The following ELN variants were observed in gnomAD, a reference collection of about 807,000 sequenced individuals.
ELN encodes the protein elastin, also known as tropoelastin.
ELN carries 65 observed loss-of-function variants against 105.8 expected under a neutral mutation model. The ratio of observed to expected loss-of-function variants is 0.61; its 90% CI spans 0.50 to 0.75. ELN has a LOEUF of 0.75. Ranked by LOEUF, ELN falls within the 30% of genes least tolerant of loss-of-function variation. The probability of loss-of-function intolerance (pLI) is 0.00; values close to 1 mark genes in which losing one functional copy is unlikely to be tolerated. For synonymous variants in ELN, 368 were observed against 389.2 expected (o/e 0.95, Z 0.64); for missense variants, 882 against 969.4 (o/e 0.91, Z 1.20).
At chr7:74,046,808 G>C (rs1158057026) in intron 12 of ELN, 41 bp downstream of exon 12, 1 of 1,610,304 alleles carries the variant, frequency 6.2e-7, no homozygotes, top group Non-Finnish European at 8.5e-7. Flanking sequence ...ACTCGGCCGG[G>C]TGTGGTGGTT....
intron 17 of ELN, 47 bp from the exon 18 acceptor site, chr7:74,053,116 C>A (rs201795961): frequency 1.9e-5 from 30 of 1,613,862 alleles, no homozygotes; most frequent in Non-Finnish European, 2.5e-5. Context: ...CTTCTAGCCC[C>A]TCTGAGGTTC....
rs548437700 is a variant in ELN, at chr7:74,035,481, C to A, written c.133+67C>A. 1.9e-6 allele frequency: 3 copies of A among 1,575,462 alleles called. No individual in the cohort carries two copies. In the East Asian group the frequency reaches 6.7e-5, roughly 35 times the overall value. ...GATGCTGATGTCCATAATAGATGCA[C>A]ATTTTGACACTACAGAAGGTAGGAA... On this transcript the variant is annotated intron_variant, in intron 2 of 32. Coordinates refer to ENST00000252034, the MANE Select transcript of ELN (RefSeq NM_000501.4).
At chr7:74,067,992 C>T (rs569908641) in intron 32 of ELN, among the ~76,000 whole-genome samples, 3 of 150,776 alleles carry the variant, frequency 2.0e-5, no homozygotes, top group African/African-American at 7.3e-5. Flanking sequence ...TCCTGCCCCA[C>T]TCTCTGCTCA....
At position 74,043,914 on chromosome 7, in the gene ELN, C is replaced by T. The variant is rs1563789663; in HGVS notation, c.463C>T (p.Leu155Phe). Residue 155 changes from leucine to phenylalanine, a missense_variant, in exon 9 of 33, where the codon CTC becomes TTC. Coordinates refer to ENST00000252034, the MANE Select transcript of ELN (RefSeq NM_000501.4). The stretch of plus-strand genomic sequence containing the variant: ...GCCAGGTGTATACCCAGGTGGCGTG[C>T]TCCCAGGTGAGAGCAAGGAGGGAAA... Reference protein sequence around the residue: ...GLPGVYPGGVLPGARFPGVGV... With the variant: ...GLPGVYPGGVFPGARFPGVGV... The T allele has an allele frequency of 2.5e-6, 4 of 1,614,078 alleles. No homozygotes were observed. Among genetic ancestry groups the T allele is most frequent in the Non-Finnish European group, 2.5e-6 (3 of 1,179,986 alleles).
chr7:74,028,401 C>A, intron 1 of ELN, 132 bp downstream of exon 1: 1 of 1,070,286 alleles, frequency 9.3e-7, no homozygotes, highest in Non-Finnish European at 1.4e-6. Flanking sequence ...GCCCCTCAGC[C>A]ACTGGGTCCT....
At chr7:74,060,341 T>G in intron 24 of ELN, 35 bp from the exon 25 acceptor site, 1 of 1,614,116 alleles carries the variant, frequency 6.2e-7, no homozygotes, top group Non-Finnish European at 8.5e-7. Flanking sequence ...GCATGCTCCC[T>G]GCCTGCTGTC....
intron 4 of ELN, among the ~76,000 whole-genome samples, chr7:74,040,717 T>A (rs1441346799): frequency 6.6e-6 from 1 of 152,102 alleles, no homozygotes; most frequent in South Asian, 2.1e-4. Flanking sequence ...AGGGACCCAT[T>A]TGGCGTCTCA....
chr7:74,061,778 C>T (rs1796739172), intron 26 of ELN, among the ~76,000 whole-genome samples: 1 of 152,148 alleles, frequency 6.6e-6, no homozygotes, highest in South Asian at 2.1e-4. Flanking sequence ...CAAAAACACC[C>T]TTGAAATCCC....
chr7:74,028,618 A>G (rs1787966005), intron 1 of ELN, among the ~76,000 whole-genome samples: 1 of 152,102 alleles, frequency 6.6e-6, no homozygotes, highest in South Asian at 2.1e-4. Context: ...CTGGGTCTGG[A>G]GACACCACAG....
chr7:74,050,738 C>G (rs1793859083), intron 15 of ELN, among the ~76,000 whole-genome samples: 1 of 152,098 alleles, frequency 6.6e-6, no homozygotes, highest in Non-Finnish European at 1.5e-5. Context: ...CAAGAGTTCT[C>G]TTAGAGAATA....
chr7:74,042,913 G>A (rs1304777540), intron 6 of ELN, 71 bp from the exon 7 acceptor site: 3 of 1,612,738 alleles, frequency 1.9e-6, no homozygotes, highest in Non-Finnish European at 2.5e-6. Flanking sequence ...TGGGCCCTCA[G>A]CATGCAGCCC....
intron 15 of ELN, among the ~76,000 whole-genome samples, chr7:74,051,187 C>T (rs1375653896): frequency 1.1e-4 from 16 of 152,160 alleles, no homozygotes; most frequent in African/African-American, 3.9e-4. Flanking sequence ...CCAGGGAAGC[C>T]CTTTCCTTAT....
chr7:74,043,036 T>C lies in ELN; in HGVS notation c.376+2T>C, dbSNP rs539391153. On this transcript the variant is annotated splice_donor_variant, in intron 7 of 32. Coordinates refer to ENST00000252034, the MANE Select transcript of ELN (RefSeq NM_000501.4). LOFTEE classifies it high-confidence loss of function. ...TTGGTGGCTTAGGAGTGTCTGCAGG[T>C]ACGATGGCTATCCCCGAACTCCCTG... 35 of 1,614,104 alleles carry C rather than the reference T, an allele frequency of 2.2e-5. No homozygotes were observed. The highest frequency in any genetic ancestry group is 2.9e-5 in the Non-Finnish European group (34 of 1,180,016).
chr7:74,059,386 G>T (rs1324248383), intron 22 of ELN, among the ~76,000 whole-genome samples: 1 of 152,086 alleles, frequency 6.6e-6, no homozygotes, highest in Non-Finnish European at 1.5e-5. Flanking sequence ...TCACTGAAAA[G>T]GTTAAGAACT....
At position 74,051,969 on chromosome 7, in the gene ELN, A is replaced by C. The variant is rs1794150356; in HGVS notation, c.935A>C (p.Lys312Thr). The C allele has an allele frequency of 6.2e-6, 10 of 1,613,440 alleles. No homozygotes were observed. In the East Asian group the frequency reaches 2.2e-4, roughly 36 times the overall value. The change falls in exon 17 of 33, where the codon AAG becomes ACG. Residue 312 changes from lysine to threonine, a missense_variant. Transcript: ENST00000252034. ...AAAAAAAAAA[K>T]AAKYGAAAGL... The stretch of plus-strand genomic sequence containing the variant: ...GCTGCAGCTGCAGCAGCAGCCGCTA[A>C]GGCAGCCAAGTATGGTGAGTGCCTC...
chr7:74,056,945 T>C (rs748002511), intron 21 of ELN, among the ~76,000 whole-genome samples: 27 of 149,792 alleles, frequency 1.8e-4, no homozygotes, highest in Non-Finnish European at 3.4e-4. Context: ...CCCCCAGAAT[T>C]GAAGGTGTCT....
intron 31 of ELN, among the ~76,000 whole-genome samples, chr7:74,066,240 G>A (rs1169129518): frequency 6.6e-6 from 1 of 152,194 alleles, no homozygotes; most frequent in Admixed American, 6.5e-5. Flanking sequence ...CTAGGTGGCG[G>A]CATGTTGTGT....
intron 21 of ELN, 26 bp downstream of exon 21, chr7:74,056,739 C>G (rs1795331083): frequency 6.2e-7 from 1 of 1,613,476 alleles, no homozygotes; most frequent in Admixed American, 1.7e-5. Context: ...CTGCCTGTCC[C>G]CAAGTCCTGC....
intron 15 of ELN, among the ~76,000 whole-genome samples, chr7:74,050,391 G>GTCCA (rs369449509): frequency 2.8e-3 from 265 of 94,444 alleles, no homozygotes; most frequent in Middle Eastern, 0.023. Context: ...CCATCCACTC[G>GTCCA]TCCATCCATC....
Sources: allele counts gnomAD v4.1 joint callset (sites outside exome capture counted in the v4.1 genomes callset), GRCh38; gene constraint gnomAD v4.1.1; transcripts MANE v1.5; gene names NCBI Gene and HGNC (gene_info 2026-07-23, HGNC 2026-07-21).